TARS3: variants seen among roughly 807,000 people sequenced by gnomAD.
TARS3 encodes threonyl-tRNA synthetase 3.
TARS3 carries 94 observed loss-of-function variants against 103.5 expected under a neutral mutation model. The ratio of observed to expected loss-of-function variants is 0.91; its 90% CI spans 0.77 to 1.08. The LOEUF (loss-of-function observed/expected upper bound fraction) is 1.08, where lower values mean the gene tolerates loss of function less well. Ranked by LOEUF, TARS3 falls within the 50% of genes least tolerant of loss-of-function variation. The probability of loss-of-function intolerance (pLI) is 0.00; values close to 1 mark genes in which losing one functional copy is unlikely to be tolerated. For missense variants in TARS3, 952 were observed against 995.2 expected, an observed-to-expected ratio of 0.96 and a Z score of 0.58; for synonymous variants, 416 against 355.4, an observed-to-expected ratio of 1.17 and a Z score of -1.92.
At position 101,653,767 on chromosome 15, in the gene TARS3, C is replaced by T. The variant is rs775975972; in HGVS notation, c.*815G>A. On this transcript the variant is annotated 3_prime_UTR_variant, in exon 19 of 19. Transcript: ENST00000335968. The stretch of plus-strand genomic sequence containing the variant: ...GTTTGGTAGCTGAATTCTCTATTGA[C>T]ATAATGCCATTTTAATTCAGTTCTG... 6.6e-6 allele frequency: 1 copy of T among 152,200 alleles called. No homozygotes were observed. The highest frequency in any genetic ancestry group is 1.5e-5 in the Non-Finnish European group (1 of 68,040). The allele number at this position is 152,200 out of a possible 1,614,324, so 9.4% of individuals were successfully genotyped here.
chr15:101,689,199 T>C (rs762466752), intron 10 of TARS3, among the ~76,000 whole-genome samples: 1 of 152,104 alleles, frequency 6.6e-6, no homozygotes, highest in Non-Finnish European at 1.5e-5. Flanking sequence ...AGAAGTCGTA[T>C]TGCTTACAAT....
intron 1 of TARS3, 34 bp downstream of exon 1, chr15:101,724,057 C>T: frequency 1.5e-6 from 2 of 1,340,786 alleles, no homozygotes; most frequent in East Asian, 3.1e-5. Context: ...CCGCCCCGCC[C>T]GCGTCCTCTC....
At chr15:101,700,750 TCTC>T (rs1466481663) in intron 10 of TARS3, among the ~76,000 whole-genome samples, 3 of 152,008 alleles carry the variant, frequency 2.0e-5, no homozygotes, top group Non-Finnish European at 4.4e-5. Flanking sequence ...TTCAAGCAAT[TCTC>T]CTGCCAGCCT....
Position 101,703,447 on chromosome 15 carries a change from G to A in TARS3, c.1074+412C>T, listed in dbSNP as rs139112912. Among the ~76,000 whole-genome samples, 252 of 152,140 alleles carry A rather than the reference G, an allele frequency of 1.7e-3. 2 individuals carry two copies. The highest frequency in any genetic ancestry group is 6.8e-3 in the Middle Eastern group (2 of 294). On this transcript the variant is annotated intron_variant, in intron 8 of 18. Coordinates refer to ENST00000335968, the MANE Select transcript of TARS3 (RefSeq NM_152334.3). Reference sequence around the variant, plus strand: ...TCGACTAAAAATAGAAAAATTAGCCGGGTGGGGTGGTGCAGGCCTGTAATC... The same window carrying A: ...TCGACTAAAAATAGAAAAATTAGCCAGGTGGGGTGGTGCAGGCCTGTAATC...
intron 6 of TARS3, among the ~76,000 whole-genome samples, chr15:101,707,969 C>T (rs1473890813): frequency 6.6e-6 from 1 of 152,060 alleles, no homozygotes; most frequent in African/African-American, 2.4e-5. Context: ...TTTGGTTGGG[C>T]GTGGTGGCTC....
intron 3 of TARS3, among the ~76,000 whole-genome samples, chr15:101,719,546 C>T (rs114898767): frequency 0.015 from 2,227 of 152,228 alleles, 28 homozygotes; most frequent in African/African-American, 0.035. Flanking sequence ...TGTGGCTGGG[C>T]GGCCAAGGGA....
chr15:101,707,090 T>C (rs1410930490), intron 6 of TARS3, among the ~76,000 whole-genome samples: 1 of 152,132 alleles, frequency 6.6e-6, no homozygotes, highest in South Asian at 2.1e-4. Context: ...ATGCTCACCA[T>C]TAGTACGTCA....
At chr15:101,679,958 C>G (rs942257950) in intron 12 of TARS3, among the ~76,000 whole-genome samples, 1 of 152,186 alleles carries the variant, frequency 6.6e-6, no homozygotes, top group African/African-American at 2.4e-5. Flanking sequence ...GACCAATTGG[C>G]AGTGAGAAAG....
chr15:101,662,202 C>G (rs1284370798), intron 15 of TARS3, among the ~76,000 whole-genome samples: 2 of 152,080 alleles, frequency 1.3e-5, no homozygotes, highest in African/African-American at 4.8e-5. Flanking sequence ...TTCTTGAAGT[C>G]CACTGGTCAA....
chr15:101,655,825 CG>C, intron 18 of TARS3: 1 of 1,239,188 alleles, frequency 8.1e-7, no homozygotes, highest in Non-Finnish European at 1.0e-6. Flanking sequence ...CAGATGAGAG[CG>C]GGGAGCTCTT....
chr15:101,722,324 C>T (rs1282231685), intron 2 of TARS3, among the ~76,000 whole-genome samples: 1 of 151,084 alleles, frequency 6.6e-6, no homozygotes, highest in Non-Finnish European at 1.5e-5. Flanking sequence ...ACAGCACTTA[C>T]TTGTATACCA....
rs770228103 is a variant in TARS3, at chr15:101,675,635, G to C, written c.1753C>G (p.Leu585Val). ...LNLSTRPENF[L>V]GEIEMWNEAE... ...TCATTCCACATCTCAATCTCTCCTA[G>C]GAAGTTTTCCGGCCTTGTTGACAGG... Residue 585 changes from leucine to valine, a missense_variant, in exon 13 of 19, where the codon CTA becomes GTA. By Grantham distance (32) the Leu-to-Val change is conservative. Transcript: ENST00000335968. 1.2e-5 allele frequency: 19 copies of C among 1,613,832 alleles called. No individual in the cohort carries two copies. The highest frequency in any genetic ancestry group is 1.6e-4 in the Middle Eastern group (1 of 6,084).
chr15:101,678,721 A>G (rs187803623), intron 12 of TARS3, among the ~76,000 whole-genome samples: 2 of 152,252 alleles, frequency 1.3e-5, no homozygotes, highest in East Asian at 3.9e-4. Flanking sequence ...AAAACGCAAA[A>G]GGAGAAGGAA....
In TARS3 at chr15:101,703,918, G is replaced by T. The variant is rs779620810; in HGVS notation, c.1015C>A (p.Leu339Ile). 32 of 1,612,950 alleles carry T rather than the reference G, an allele frequency of 2.0e-5. No individual in the cohort carries two copies. Among genetic ancestry groups the T allele is most frequent in the Non-Finnish European group, 2.5e-5 (30 of 1,179,324 alleles). ...TGTCTTACATGTGGACCTTTGCAAA[G>T]GTCAATTAATGGACCGCACCTATAA... is the stretch of plus-strand genomic sequence containing the variant. ...TVYRCGPLID[L>I]CKGPHVRHTG... The change falls in exon 8 of 19, where the codon CTT (leucine) becomes ATT (isoleucine). Residue 339 changes from leucine to isoleucine, a missense_variant. Leu to Ile is a conservative substitution (Grantham distance 5, BLOSUM62 2). Coordinates refer to ENST00000335968, the MANE Select transcript of TARS3 (RefSeq NM_152334.3).
At chr15:101,693,171 T>C (rs74329966) in intron 10 of TARS3, among the ~76,000 whole-genome samples, 2,506 of 152,298 alleles carry the variant, frequency 0.016, 72 homozygotes, top group African/African-American at 0.057. Flanking sequence ...AAATTTACCA[T>C]ATCTATTCTC....
intron 2 of TARS3, among the ~76,000 whole-genome samples, chr15:101,722,369 T>C (rs1343300612): frequency 6.6e-6 from 1 of 152,034 alleles, no homozygotes; most frequent in Non-Finnish European, 1.5e-5. Context: ...GTCCTGAGTC[T>C]GCCTGAATTC....
Position 101,654,713 on chromosome 15 carries a change from T to C in TARS3, c.2278A>G (p.Lys760Glu), listed in dbSNP as rs1468965902. 6.2e-7 allele frequency: 1 copy of C among 1,613,700 alleles called. No individual in the cohort carries two copies. Among genetic ancestry groups the C allele is most frequent in the East Asian group, 2.2e-5 (1 of 44,884 alleles). Reference sequence around the variant, plus strand: ...CGCACGTTTACAGCATTATCTATCTTTTCCTTTTCTCCAACCACTGCAGAA... The same window carrying C: ...CGCACGTTTACAGCATTATCTATCTCTTCCTTTTCTCCAACCACTGCAGAA... ...NFILVVGEKE[K>E]IDNAVNVRTR... The change falls in exon 19 of 19, where the codon AAG becomes GAG. Residue 760 changes from lysine (K) to glutamate (E), a missense_variant. Around this residue, in one of 2 missense-constraint regions of TARS3, gnomAD observed 540 missense variants for 631.0 expected, o/e 0.86. Transcript: ENST00000335968.
At chr15:101,657,404 G>A (rs1235264255) in intron 17 of TARS3, among the ~76,000 whole-genome samples, 1 of 152,194 alleles carries the variant, frequency 6.6e-6, no homozygotes, top group Non-Finnish European at 1.5e-5. Flanking sequence ...GACGCTCTGC[G>A]CCAGAATCCA....
Position 101,714,705 on chromosome 15 carries a change from C to T in TARS3, c.690+135G>A. 6.0e-6 allele frequency: 3 copies of T among 498,520 alleles called. No homozygotes were observed. In the South Asian group the frequency reaches 1.7e-4, roughly 28 times the overall value. The allele number at this position is 498,520 out of a possible 1,614,324, so 30.9% of individuals were successfully genotyped here. On this transcript the variant is annotated intron_variant, in intron 4 of 18. Coordinates refer to ENST00000335968, the MANE Select transcript of TARS3 (RefSeq NM_152334.3). ...ATTCATGCCACAAATATTTATTAAA[C>T]ATCAATAATCAAATTTTAAATCTTA...
Sources: gnomAD v4.1 joint callset for allele counts (sites outside exome capture counted in the v4.1 genomes callset) on GRCh38, gnomAD v4.1.1 for gene constraint, gnomAD v4.1.1 regional missense constraint, MANE v1.5 for transcripts, NCBI Gene and HGNC (gene_info 2026-07-23, HGNC 2026-07-21) for gene names.